CDH4: variants seen among roughly 807,000 people sequenced by gnomAD.
CDH4 encodes the protein cadherin-4.
Under a neutral mutation model 86.0 loss-of-function variants are expected in CDH4, and 33 were observed. That is an observed-to-expected ratio of 0.38 (90% CI 0.29 to 0.51). The LOEUF (loss-of-function observed/expected upper bound fraction) is 0.51, where lower values mean the gene tolerates loss of function less well. Among genes scored for constraint, CDH4 ranks in the 20% least tolerant of loss-of-function variants. The probability of loss-of-function intolerance (pLI) is 0.86; values close to 1 mark genes in which losing one functional copy is unlikely to be tolerated. For synonymous variants in CDH4, 555 were observed against 549.4 expected (o/e 1.01, Z -0.14); for missense variants, 1,114 against 1,307.4 (o/e 0.85, Z 2.28).
At position 61,832,900 on chromosome 20, in the gene CDH4, A is replaced by G. The variant is rs58348359; in HGVS notation, c.577-11768A>G. The stretch of plus-strand genomic sequence containing the variant: ...TTTCTGTGCCCCTGACACTGATGCT[A>G]TTACTAGTACTGTCAAAATTGTAAT... On this transcript the variant is annotated intron_variant, in intron 4 of 15. Coordinates refer to ENST00000614565, the MANE Select transcript of CDH4 (RefSeq NM_001794.5). Among the ~76,000 whole-genome samples, 902 of 152,216 alleles carry G rather than the reference A, an allele frequency of 5.9e-3. 17 individuals carry two copies. The East Asian group carries it at 0.062, about 10-fold the overall frequency.
chr20:61,252,496 G>A lies in CDH4; in HGVS notation c.-18G>A, dbSNP rs1174893670. ...GAGCGGGCTCCCGGTGCCGGGCACC[G>A]GGCGGGCGGCGGGGAAGATGACCGC... is the stretch of plus-strand genomic sequence containing the variant. On this transcript the variant is annotated 5_prime_UTR_variant, in exon 1 of 16. Coordinates refer to ENST00000614565, the MANE Select transcript of CDH4 (RefSeq NM_001794.5). This position sits in a 1 kb window ranked among gnomAD's most constrained non-coding sequence, Gnocchi z 4.4. 35 of 1,159,976 alleles carry A rather than the reference G, an allele frequency of 3.0e-5. No homozygotes were observed. Among genetic ancestry groups the A allele is most frequent in the Non-Finnish European group, 3.3e-5 (31 of 942,910 alleles). The allele number at this position is 1,159,976 out of a possible 1,614,324, so 71.9% of individuals were successfully genotyped here.
At chr20:61,637,314 T>C (rs2086957985) in intron 2 of CDH4, among the ~76,000 whole-genome samples, 1 of 152,120 alleles carries the variant, frequency 6.6e-6, no homozygotes. Context: ...GCATAGCCGC[T>C]CCCACGACCA....
At chr20:61,769,682 C>T (rs1433909997) in intron 3 of CDH4, among the ~76,000 whole-genome samples, 1 of 152,122 alleles carries the variant, frequency 6.6e-6, no homozygotes, top group South Asian at 2.1e-4. Flanking sequence ...TGATGGTGCT[C>T]CCCGCTGAAC....
intron 2 of CDH4, among the ~76,000 whole-genome samples, chr20:61,361,462 G>C (rs2084782704): frequency 6.6e-6 from 1 of 152,188 alleles, no homozygotes; most frequent in African/African-American, 2.4e-5. Flanking sequence ...AGGGGATGGG[G>C]AGGGGGATAC....
chr20:61,798,916 G>C (rs6121471), intron 4 of CDH4, among the ~76,000 whole-genome samples: 2 of 152,212 alleles, frequency 1.3e-5, no homozygotes, highest in African/African-American at 2.4e-5. Context: ...CCACCGACCC[G>C]ATGACCCGGG....
chr20:61,518,771 T>TC lies in CDH4; in HGVS notation c.170-224790dup, dbSNP rs755502902. Among the ~76,000 whole-genome samples, 2 of 151,368 alleles carry TC rather than the reference T, an allele frequency of 1.3e-5. No homozygotes were observed. The highest frequency in any genetic ancestry group is 2.1e-4 in the South Asian group (1 of 4,772). ...CATCCATTCGTACATCCACCCATCA[T>TC]CCATCCTTTCATCCATCATTCATTC... is the stretch of plus-strand genomic sequence containing the variant. On this transcript the variant is annotated intron_variant, in intron 2 of 15. Coordinates refer to ENST00000614565, the MANE Select transcript of CDH4 (RefSeq NM_001794.5). This position sits in a 1 kb window ranked among gnomAD's most constrained non-coding sequence, Gnocchi z 6.3.
chr20:61,899,057 G>A (rs1985261272), intron 8 of CDH4, among the ~76,000 whole-genome samples: 1 of 152,164 alleles, frequency 6.6e-6, no homozygotes, highest in South Asian at 2.1e-4. Context: ...AGCACTTTGG[G>A]AGGCCAAGGT....
chr20:61,858,413 G>A (rs571643881), intron 6 of CDH4, among the ~76,000 whole-genome samples: 11 of 150,352 alleles, frequency 7.3e-5, no homozygotes, highest in South Asian at 4.3e-4. Context: ...GTGTGTCTGC[G>A]TCTGTGTGTG....
intron 2 of CDH4, among the ~76,000 whole-genome samples, chr20:61,622,919 C>T (rs924295602): frequency 6.6e-6 from 1 of 152,142 alleles, no homozygotes; most frequent in African/African-American, 2.4e-5. Flanking sequence ...AGTTTAAGAG[C>T]CTCGCAGTCA....
intron 3 of CDH4, among the ~76,000 whole-genome samples, chr20:61,761,040 C>T (rs184118506): frequency 4.6e-4 from 70 of 152,280 alleles, no homozygotes; most frequent in African/African-American, 1.5e-3. Context: ...CAGACAATAT[C>T]CTAGTTAAAT....
At position 61,614,338 on chromosome 20, in the gene CDH4, C is replaced by T. The variant is rs530242059; in HGVS notation, c.170-129225C>T. 3.3e-5 allele frequency among the ~76,000 whole-genome samples: 5 copies of T among 152,256 alleles called. No homozygotes were observed. In the South Asian group the frequency reaches 1.0e-3, roughly 32 times the overall value. On this transcript the variant is annotated intron_variant, in intron 2 of 15. Transcript: ENST00000614565. ...AACAGGAAGATACAGAGCTTTCAGG[C>T]TGTTGAGCAGGAGGGCGGGCACCTG...
At position 61,269,276 on chromosome 20, in the gene CDH4, G is replaced by A. The variant is rs1416914436; in HGVS notation, c.169+14339G>A. On this transcript the variant is annotated intron_variant, in intron 2 of 15. Coordinates refer to ENST00000614565, the MANE Select transcript of CDH4 (RefSeq NM_001794.5). The surrounding 1 kb of genome is among the most constrained non-coding windows in gnomAD (Gnocchi z 5.3). ...CCACTACCTTAGTGGCCCTGGAGGA[G>A]CCAGGATTGATGGGGGGCAGCCTTC... is the stretch of plus-strand genomic sequence containing the variant. Among the ~76,000 whole-genome samples the A allele has an allele frequency of 6.6e-6, 1 of 152,188 alleles. No homozygotes were observed. Among genetic ancestry groups the A allele is most frequent in the Non-Finnish European group, 1.5e-5 (1 of 68,028 alleles).
intron 7 of CDH4, among the ~76,000 whole-genome samples, chr20:61,892,880 AAGAC>A (rs1383630984): frequency 3.9e-5 from 6 of 152,010 alleles, no homozygotes; most frequent in Non-Finnish European, 8.8e-5. Context: ...AAGGAATAGA[AAGAC>A]AGAGGGATGG....
intron 2 of CDH4, among the ~76,000 whole-genome samples, chr20:61,360,699 A>G (rs1221508675): frequency 1.3e-5 from 2 of 152,144 alleles, no homozygotes; most frequent in Non-Finnish European, 2.9e-5. Flanking sequence ...TCTGAACCTG[A>G]TATTGGAGGC....
rs2087279187 is a variant in CDH4, at chr20:61,663,072, A to G, written c.170-80491A>G. ...CTCCCCCTCCACCATGGTATTGATG[A>G]CAATGCTGCCCAGCGCAGGCAGTGT... On this transcript the variant is annotated intron_variant, in intron 2 of 15. Transcript: ENST00000614565. This position sits in a 1 kb window ranked among gnomAD's most constrained non-coding sequence, Gnocchi z 5.0. Among the ~76,000 whole-genome samples, 1 of 152,170 alleles carries G rather than the reference A, an allele frequency of 6.6e-6. No individual in the cohort carries two copies. The highest frequency in any genetic ancestry group is 1.5e-5 in the Non-Finnish European group (1 of 68,036).
rs957551463 is a variant in CDH4 at position 61,480,709 on chromosome 20, G to A, written c.169+225772G>A. 2.0e-5 allele frequency among the ~76,000 whole-genome samples: 3 copies of A among 152,232 alleles called. No homozygotes were observed. Among genetic ancestry groups the A allele is most frequent in the Non-Finnish European group, 4.4e-5 (3 of 68,034 alleles). On this transcript the variant is annotated intron_variant, in intron 2 of 15. Coordinates refer to ENST00000614565, the MANE Select transcript of CDH4 (RefSeq NM_001794.5). This position sits in a 1 kb window ranked among gnomAD's most constrained non-coding sequence, Gnocchi z 5.2. ...CATCCGGGTTGTGCCCTGGTAAGGCGTTGGAACGGCTGAGGCCTGTGGCCT... is the reference window on the plus strand; with the variant it reads ...CATCCGGGTTGTGCCCTGGTAAGGCATTGGAACGGCTGAGGCCTGTGGCCT...
At chr20:61,425,288 C>T (rs571084511) in intron 2 of CDH4, among the ~76,000 whole-genome samples, 1 of 152,228 alleles carries the variant, frequency 6.6e-6, no homozygotes, top group East Asian at 1.9e-4. Context: ...GGGAGGCGGC[C>T]AGGACCGGAG....
chr20:61,885,018 C>A (rs989926007), intron 7 of CDH4, among the ~76,000 whole-genome samples: 1 of 152,100 alleles, frequency 6.6e-6, no homozygotes, highest in African/African-American at 2.4e-5. Flanking sequence ...CTGGCCAGAA[C>A]GACTGCCAGC....
At chr20:61,848,092 G>T (rs1323068435) in intron 5 of CDH4, among the ~76,000 whole-genome samples, 1 of 152,278 alleles carries the variant, frequency 6.6e-6, no homozygotes, top group African/African-American at 2.4e-5. Context: ...AAGGTGCAGT[G>T]CCTCTGTAGA....
Sources: allele counts gnomAD v4.1 joint callset (sites outside exome capture counted in the v4.1 genomes callset), GRCh38; gene constraint gnomAD v4.1.1; non-coding constraint Gnocchi (gnomAD v3.1); transcripts MANE v1.5; gene names NCBI Gene and HGNC (gene_info 2026-07-23, HGNC 2026-07-21).